KCNN2: variants seen among roughly 807,000 people sequenced by gnomAD.
KCNN2 encodes the protein small conductance calcium-activated potassium channel protein 2.
A neutral mutation model predicts 55.5 loss-of-function variants in KCNN2; 24 were observed. The ratio of observed to expected loss-of-function variants is 0.43; its 90% confidence interval spans 0.31 to 0.61. The LOEUF is 0.61. Among genes scored for constraint, KCNN2 ranks in the 20% least tolerant of loss-of-function variants. KCNN2 has a pLI of 0.08. For missense variants in KCNN2, 754 were observed against 853.6 expected (o/e 0.88, Z 1.45); for synonymous variants, 431 against 336.1 (o/e 1.28, Z -3.09).
intron 1 of KCNN2, among the ~76,000 whole-genome samples, chr5:114,189,000 C>A (rs1407859176): frequency 6.6e-6 from 1 of 151,910 alleles, no homozygotes; most frequent in Non-Finnish European, 1.5e-5. Context: ...AATTTTAAGG[C>A]AAGGAAAAAC....
chr5:114,180,349 C>T (rs1753215681), intron 1 of KCNN2, among the ~76,000 whole-genome samples: 1 of 152,076 alleles, frequency 6.6e-6, no homozygotes, highest in East Asian at 1.9e-4. Flanking sequence ...GTCACAATTA[C>T]AGTTAGCAAT....
At chr5:114,485,071 T>C (rs981159170) in intron 5 of KCNN2, among the ~76,000 whole-genome samples, 4 of 152,212 alleles carry the variant, frequency 2.6e-5, no homozygotes, top group African/African-American at 4.8e-5. Context: ...TAAAAGCGTA[T>C]TGACTTTAGA....
intron 2 of KCNN2, among the ~76,000 whole-genome samples, chr5:114,366,452 G>A (rs1483981131): frequency 6.6e-6 from 1 of 152,092 alleles, no homozygotes; most frequent in Non-Finnish European, 1.5e-5. Context: ...TATCTAGAGG[G>A]ATTTCTCCTT....
intron 2 of KCNN2, among the ~76,000 whole-genome samples, chr5:114,251,251 C>T (rs921524004): frequency 2.6e-5 from 4 of 152,148 alleles, no homozygotes; most frequent in African/African-American, 9.7e-5. Flanking sequence ...GCCTACATAG[C>T]CTTTCTAAAC....
intron 1 of KCNN2, among the ~76,000 whole-genome samples, chr5:114,100,486 A>C (rs149145025): frequency 2.0e-5 from 3 of 152,262 alleles, no homozygotes; most frequent in Admixed American, 6.5e-5. Context: ...CAGTGTTCTC[A>C]CTGCAGAGAA....
At position 114,102,496 on chromosome 5, in the gene KCNN2, C is replaced by T. The variant is rs571490453; in HGVS notation, c.-271+45996C>T. On this transcript the variant is annotated intron_variant, in intron 1 of 10. Coordinates refer to the KCNN2 transcript ENST00000512097. ...TTGCCATTGCTTTTGGTGTTTTAGT[C>T]ATGAAGGCCTTGCCCATTCCTATGT... is the stretch of plus-strand genomic sequence containing the variant. 9.2e-5 allele frequency among the ~76,000 whole-genome samples: 14 copies of T among 152,250 alleles called. No individual in the cohort carries two copies. The South Asian group carries it at 2.9e-3, about 32-fold the overall frequency.
chr5:114,377,660 T>C (rs761029677), intron 2 of KCNN2, among the ~76,000 whole-genome samples: 1 of 152,158 alleles, frequency 6.6e-6, no homozygotes, highest in Non-Finnish European at 1.5e-5. Context: ...GCAGCCCAGA[T>C]GTCAGTGAAG....
intron 2 of KCNN2, among the ~76,000 whole-genome samples, chr5:114,312,426 CACACACACATATATATATAT>C (rs1256033797): frequency 8.7e-3 from 238 of 27,378 alleles, no homozygotes; most frequent in East Asian, 0.029. Context: ...CACACACACA[CACACACACATATATATATAT>C]ATATATATAT....
At chr5:114,161,545 G>C (rs1752783311) in intron 1 of KCNN2, among the ~76,000 whole-genome samples, 1 of 152,084 alleles carries the variant, frequency 6.6e-6, no homozygotes, top group Admixed American at 6.5e-5. Flanking sequence ...TTGAATGTTG[G>C]CCTGCCTTGC....
intron 1 of KCNN2, among the ~76,000 whole-genome samples, chr5:114,200,902 T>C (rs1349066539): frequency 6.6e-6 from 1 of 152,152 alleles, no homozygotes; most frequent in Non-Finnish European, 1.5e-5. Context: ...GCTCCAGTGG[T>C]GGCAGTAGTG....
chr5:114,095,513 G>A (rs1751237398), intron 1 of KCNN2, among the ~76,000 whole-genome samples: 1 of 152,050 alleles, frequency 6.6e-6, no homozygotes, highest in African/African-American at 2.4e-5. Context: ...GCATCACAGT[G>A]GAATTACAAA....
chr5:114,256,554 T>C (rs1754986863), intron 2 of KCNN2, among the ~76,000 whole-genome samples: 1 of 152,222 alleles, frequency 6.6e-6, no homozygotes, highest in South Asian at 2.1e-4. Context: ...TTTTTGACTT[T>C]GTAATCATAA....
At chr5:114,113,766 G>A (rs951489168) in intron 1 of KCNN2, among the ~76,000 whole-genome samples, 1 of 152,078 alleles carries the variant, frequency 6.6e-6, no homozygotes. Flanking sequence ...GCTTGGTTGT[G>A]CAGGTTCATC....
chr5:114,265,696 T>A (rs1038101690), intron 2 of KCNN2, among the ~76,000 whole-genome samples: 2 of 152,150 alleles, frequency 1.3e-5, no homozygotes, highest in Non-Finnish European at 2.9e-5. Context: ...GCTAATCTTA[T>A]CCCAAGTCAC....
At chr5:114,099,817 G>A (rs901811449) in intron 1 of KCNN2, among the ~76,000 whole-genome samples, 2 of 151,886 alleles carry the variant, frequency 1.3e-5, no homozygotes, top group African/African-American at 4.8e-5. Context: ...CGTTTGAATT[G>A]ATTTATATTT....
At chr5:114,062,122 T>C (rs1750345810) in intron 1 of KCNN2, among the ~76,000 whole-genome samples, 1 of 152,134 alleles carries the variant, frequency 6.6e-6, no homozygotes, top group Non-Finnish European at 1.5e-5. Flanking sequence ...TTATAAAATT[T>C]AGTCAAGGAA....
At chr5:114,089,470 T>G (rs1314791596) in intron 1 of KCNN2, among the ~76,000 whole-genome samples, 1 of 152,200 alleles carries the variant, frequency 6.6e-6, no homozygotes, top group African/African-American at 2.4e-5. Context: ...TGGGTATTTT[T>G]AAATTCATAA....
chr5:114,392,815 T>A (rs1758490262), intron 2 of KCNN2, among the ~76,000 whole-genome samples: 1 of 151,672 alleles, frequency 6.6e-6, no homozygotes, highest in Admixed American at 6.6e-5. Context: ...GGTTTTTTTT[T>A]TTTTCCTTCA....
chr5:114,413,797 A>G (rs577808956), intron 3 of KCNN2, among the ~76,000 whole-genome samples: 3 of 152,292 alleles, frequency 2.0e-5, no homozygotes, highest in East Asian at 1.9e-4. Context: ...GGTCCTCCTC[A>G]TCCTGTCATC....
Sources: allele counts gnomAD v4.1 joint callset (sites outside exome capture counted in the v4.1 genomes callset), GRCh38; gene constraint gnomAD v4.1.1; transcripts MANE v1.5; gene names NCBI Gene and HGNC (gene_info 2026-07-23, HGNC 2026-07-21).